The following SNX14 variants were observed in gnomAD, a reference collection of about 807,000 sequenced individuals.
SNX14 encodes sorting nexin-14.
In SNX14, 93 loss-of-function variants were observed where a neutral mutation model predicts 133.8. That is an observed-to-expected ratio of 0.70 (90% confidence interval 0.59 to 0.83). The LOEUF (loss-of-function observed/expected upper bound fraction) is 0.83. Among genes scored for constraint, SNX14 ranks in the 40% least tolerant of loss-of-function variants. The pLI is 0.00. For synonymous variants in SNX14, 368 were observed against 365.6 expected (o/e 1.01, Z -0.07); for missense variants, 945 against 1,094.9 (o/e 0.86, Z 1.93).
chr6:85,557,870 CT>C, intron 7 of SNX14, 105 bp downstream of exon 7: 1 of 693,520 alleles, frequency 1.4e-6, no homozygotes, highest in East Asian at 2.8e-5. Flanking sequence ...CTCGCATCAA[CT>C]GTGAATATGT....
chr6:85,581,241 G>A (rs1201118755), intron 1 of SNX14: 2 of 152,194 alleles, frequency 1.3e-5, no homozygotes, highest in African/African-American at 4.8e-5. Context: ...ACACCACCAA[G>A]GAGGTACCTC....
intron 7 of SNX14, among the ~76,000 whole-genome samples, chr6:85,550,448 T>C (rs1034807238): frequency 1.3e-5 from 2 of 152,212 alleles, no homozygotes; most frequent in Non-Finnish European, 2.9e-5. Context: ...ATCCTGTATC[T>C]TCTTTCTCCT....
At chr6:85,584,671 G>C (rs747076352) in intron 1 of SNX14, among the ~76,000 whole-genome samples, 9 of 152,182 alleles carry the variant, frequency 5.9e-5, no homozygotes, top group Non-Finnish European at 1.3e-4. Context: ...CGGGTCATTA[G>C]AGAAATGCAA....
chr6:85,584,839 G>A (rs912332430), intron 1 of SNX14, among the ~76,000 whole-genome samples: 3 of 152,168 alleles, frequency 2.0e-5, no homozygotes, highest in Admixed American at 1.3e-4. Flanking sequence ...AAGACAGTGT[G>A]GTGATTCCTT....
In SNX14 at chr6:85,514,112, A is replaced by G. The variant is rs766527851; in HGVS notation, c.2515T>C (p.Phe839Leu). 1.9e-6 allele frequency: 3 copies of G among 1,613,780 alleles called. No individual in the cohort carries two copies. Among genetic ancestry groups the G allele is most frequent in the Non-Finnish European group, 2.5e-6 (3 of 1,179,894 alleles). The change falls in exon 25 of 29, where the codon TTT becomes CTT. Residue 839 changes from phenylalanine to leucine, a missense_variant. Physicochemically the swap from Phe to Leu is conservative, Grantham distance 22 (BLOSUM62 0). Around this residue, in one of 3 missense-constraint regions of SNX14, gnomAD observed 412 missense variants for 516.6 expected, o/e 0.80. Coordinates refer to ENST00000314673, the MANE Select transcript of SNX14 (RefSeq NM_153816.6). The part of the protein sequence containing the change: ...YYLQCKLEQL[F>L]QEHRLVSLIT... Reference sequence around the variant, plus strand: ...AGTGAGACCAAACGGTGCTCCTGAAATAGCTGTTCTAGTTTACACTGAAGA... The same window carrying G: ...AGTGAGACCAAACGGTGCTCCTGAAGTAGCTGTTCTAGTTTACACTGAAGA...
At chr6:85,574,012 A>T (rs1796489299) in intron 2 of SNX14, among the ~76,000 whole-genome samples, 1 of 151,894 alleles carries the variant, frequency 6.6e-6, no homozygotes, top group African/African-American at 2.4e-5. Context: ...TATTTTGAAA[A>T]TTTTCTAATA....
intron 1 of SNX14, 59 bp downstream of exon 1, chr6:85,593,520 G>A: frequency 6.4e-7 from 1 of 1,551,304 alleles, no homozygotes; most frequent in Non-Finnish European, 8.7e-7. Context: ...AGCAGCACGG[G>A]CCGGGCGTCT....
intron 26 of SNX14, among the ~76,000 whole-genome samples, chr6:85,512,569 C>CAG (rs1350251124): frequency 1.4e-5 from 2 of 147,528 alleles, no homozygotes; most frequent in African/African-American, 5.1e-5. Flanking sequence ...TTGCAGTGAG[C>CAG]AGAGATCGTG....
chr6:85,578,806 T>C (rs1430154914), intron 1 of SNX14, among the ~76,000 whole-genome samples: 2 of 152,128 alleles, frequency 1.3e-5, no homozygotes, highest in Non-Finnish European at 1.5e-5. Flanking sequence ...TGAAAGAAGT[T>C]GACACTGGTG....
At chr6:85,557,567 C>T (rs570519257) in intron 7 of SNX14, among the ~76,000 whole-genome samples, 16 of 152,214 alleles carry the variant, frequency 1.1e-4, no homozygotes, top group African/African-American at 3.6e-4. Context: ...AGTTTAGATG[C>T]TATGACAGTC....
chr6:85,509,494 T>TTCTG (rs35513333), intron 26 of SNX14, among the ~76,000 whole-genome samples: 86,534 of 151,516 alleles, frequency 0.57, 25,006 homozygotes, highest in Middle Eastern at 0.71. Context: ...TTCTCTAAGG[T>TTCTG]TCTGTCCTAA....
chr6:85,514,252 G>A lies in SNX14; in HGVS notation c.2393-18C>T. The stretch of plus-strand genomic sequence containing the variant: ...TACCCGTCCTGAGAAAGGATCAAAT[G>A]GGATACCTCATTGTTCCAGATGAAT... On this transcript the variant is annotated intron_variant, in intron 24 of 28. Coordinates refer to ENST00000314673, the MANE Select transcript of SNX14 (RefSeq NM_153816.6). 1.9e-6 allele frequency: 3 copies of A among 1,597,076 alleles called. No individual in the cohort carries two copies. The highest frequency in any genetic ancestry group is 2.6e-6 in the Non-Finnish European group (3 of 1,174,452).
In SNX14 at chr6:85,526,248, CA is replaced by C; in HGVS notation, c.1996-12del. 1.5e-5 allele frequency: 23 copies of C among 1,529,740 alleles called. No homozygotes were observed. Among genetic ancestry groups the C allele is most frequent in the Admixed American group, 1.0e-4 (5 of 50,066 alleles). 94.8% of individuals were successfully genotyped at this position (1,529,740 alleles called of 1,614,324 possible). ...ATGCTGCAGAAGTTTCTTGAATGAA[CA>C]AAAAAAACGGAAAACACAGTTTAGA... is the stretch of plus-strand genomic sequence containing the variant. On this transcript the variant is annotated splice_polypyrimidine_tract_variant and intron_variant, in intron 20 of 28. Coordinates refer to ENST00000314673, the MANE Select transcript of SNX14 (RefSeq NM_153816.6).
intron 26 of SNX14, chr6:85,508,426 C>A (rs191079808): frequency 3.2e-6 from 3 of 948,392 alleles, no homozygotes; most frequent in East Asian, 1.1e-4. Flanking sequence ...GTTTGTACAT[C>A]TGTACATACA....
chr6:85,510,745 G>C, intron 26 of SNX14, among the ~76,000 whole-genome samples: 1 of 152,060 alleles, frequency 6.6e-6, no homozygotes, highest in East Asian at 1.9e-4. Flanking sequence ...TTACAGTTTT[G>C]CTGTAAACTG....
chr6:85,570,877 C>A (rs1014918291), intron 4 of SNX14, among the ~76,000 whole-genome samples: 4 of 151,722 alleles, frequency 2.6e-5, no homozygotes, highest in African/African-American at 7.3e-5. Context: ...CTTTACATTC[C>A]TTTTTTCTAA....
intron 23 of SNX14, among the ~76,000 whole-genome samples, chr6:85,514,940 C>T (rs1242608916): frequency 6.6e-6 from 1 of 152,022 alleles, no homozygotes; most frequent in Non-Finnish European, 1.5e-5. Context: ...AAAAGATGTA[C>T]AAATATATTA....
intron 4 of SNX14, among the ~76,000 whole-genome samples, chr6:85,570,604 C>A (rs1006551536): frequency 1.6e-4 from 25 of 152,158 alleles, no homozygotes; most frequent in African/African-American, 5.3e-4. Context: ...CCTATACTAC[C>A]AACACTTTGG....
At chr6:85,581,153 A>G (rs968911502) in intron 1 of SNX14, 1 of 152,270 alleles carries the variant, frequency 6.6e-6, no homozygotes, top group Non-Finnish European at 1.5e-5. Flanking sequence ...GAGAGACTCC[A>G]TTTGATTGGA....
Sources: allele counts gnomAD v4.1 joint callset (sites outside exome capture counted in the v4.1 genomes callset), GRCh38; gene constraint gnomAD v4.1.1; regional missense constraint gnomAD v4.1.1; transcripts MANE v1.5; gene names NCBI Gene and HGNC (gene_info 2026-07-23, HGNC 2026-07-21).